The following OTOGL variants were observed in gnomAD, a reference collection of about 807,000 sequenced individuals.
OTOGL encodes otogelin-like protein.
In OTOGL, 285 loss-of-function variants were observed where a neutral mutation model predicts 318.5. The ratio of observed to expected loss-of-function variants is 0.89; its 90% CI spans 0.81 to 0.99. OTOGL has a LOEUF of 0.99. OTOGL is among the 50% of genes least tolerant of loss of function. The pLI is 0.00. For missense variants in OTOGL, 2,899 were observed against 2,845.6 expected (o/e 1.02, Z -0.43); for synonymous variants, 987 against 936.5 (o/e 1.05, Z -0.99).
chr12:80,240,927 A>G (rs1880321772), intron 11 of OTOGL, among the ~76,000 whole-genome samples: 1 of 152,146 alleles, frequency 6.6e-6, no homozygotes, highest in Non-Finnish European at 1.5e-5. Flanking sequence ...ATCACCAAGT[A>G]TATGTGATTA....
At chr12:80,215,101 T>C (rs540787283) in intron 4 of OTOGL, among the ~76,000 whole-genome samples, 69 of 152,084 alleles carry the variant, frequency 4.5e-4, no homozygotes, top group Non-Finnish European at 9.0e-4. Flanking sequence ...ATTTTTATCT[T>C]GCTTGTGTTA....
At chr12:80,225,180 A>G (rs867773723) in intron 7 of OTOGL, among the ~76,000 whole-genome samples, 1 of 152,220 alleles carries the variant, frequency 6.6e-6, no homozygotes, top group African/African-American at 2.4e-5. Flanking sequence ...GCAGTTGGTG[A>G]AATGCATCTT....
rs569733131 is a variant in OTOGL at position 80,282,212 on chromosome 12, C to G, written c.2928+3046C>G. 1.1e-4 allele frequency among the ~76,000 whole-genome samples: 16 copies of G among 151,844 alleles called. No homozygotes were observed. The East Asian group carries it at 2.3e-3, about 22-fold the overall frequency. On this transcript the variant is annotated intron_variant, in intron 26 of 58. Transcript: ENST00000547103. ...AACATCTTTTCCTCCAGCAAACTAA[C>G]CTATGATTAATGCATTTTTTTCTGG...
At chr12:80,336,842 A>T in intron 41 of OTOGL, 22 bp downstream of exon 41, 1 of 1,537,376 alleles carries the variant, frequency 6.5e-7, no homozygotes, top group Non-Finnish European at 8.8e-7. Flanking sequence ...CAAAGTGTTT[A>T]GTACATTCAT....
At chr12:80,343,502 TATTC>T (rs1888923710) in intron 44 of OTOGL, 1 of 126,708 alleles carries the variant, frequency 7.9e-6, no homozygotes, top group Non-Finnish European at 1.6e-5. Context: ...TATTATTTTT[TATTC>T]TTGTTTTTTT....
intron 1 of OTOGL, among the ~76,000 whole-genome samples, chr12:80,177,267 C>T (rs140957530): frequency 1.1e-3 from 174 of 152,194 alleles, no homozygotes; most frequent in African/African-American, 3.5e-3. Flanking sequence ...TTAAGGTCCA[C>T]GACCCGTTTC....
intron 1 of OTOGL, among the ~76,000 whole-genome samples, chr12:80,140,901 C>T (rs977036796): frequency 1.3e-5 from 2 of 152,088 alleles, no homozygotes; most frequent in African/African-American, 2.4e-5. Context: ...TTTTTTCCCA[C>T]ATTTATGAAA....
chr12:80,157,130 A>G (rs1873175889), intron 1 of OTOGL, among the ~76,000 whole-genome samples: 1 of 151,990 alleles, frequency 6.6e-6, no homozygotes, highest in Admixed American at 6.6e-5. Context: ...GATATAAGCC[A>G]TTTAATTGAG....
chr12:80,336,286 T>C (rs1049499121), intron 39 of OTOGL, 127 bp from the exon 40 acceptor site: 48 of 1,353,464 alleles, frequency 3.5e-5, no homozygotes, highest in Admixed American at 6.1e-5. Flanking sequence ...GCTCACAGTA[T>C]ATAACTTTTA....
intron 32 of OTOGL, among the ~76,000 whole-genome samples, chr12:80,315,283 C>A (rs12301639): frequency 0.092 from 13,934 of 152,154 alleles, 1,355 homozygotes; most frequent in African/African-American, 0.24. Context: ...AGGCAAAAGT[C>A]ATTCTTACAT....
chr12:80,319,270 G>A (rs1487439663), intron 33 of OTOGL, among the ~76,000 whole-genome samples: 1 of 152,056 alleles, frequency 6.6e-6, no homozygotes, highest in Non-Finnish European at 1.5e-5. Flanking sequence ...TATCCACCTG[G>A]CACCTGTTCT....
intron 52 of OTOGL, among the ~76,000 whole-genome samples, chr12:80,361,830 G>A (rs1396249101): frequency 6.6e-6 from 1 of 152,030 alleles, no homozygotes; most frequent in African/African-American, 2.4e-5. Context: ...CAGCTTATTT[G>A]TTTTTCTTGA....
At position 80,121,131 on chromosome 12, in the gene OTOGL, A is replaced by T. The variant is rs145229051; in HGVS notation, c.-20+21526A>T. Among the ~76,000 whole-genome samples, 176 of 152,264 alleles carry T rather than the reference A, an allele frequency of 1.2e-3. 2 individuals are homozygous for T. The Middle Eastern group carries it at 0.02, about 18-fold the overall frequency. ...GAGGCCTCTGTTACAACTGCCTTGGAGGTCAACCTCTCCCTCTGCCCTGTC... is the reference window on the plus strand; with the variant it reads ...GAGGCCTCTGTTACAACTGCCTTGGTGGTCAACCTCTCCCTCTGCCCTGTC... On this transcript the variant is annotated intron_variant, in intron 1 of 58. Transcript: ENST00000547103.
intron 1 of OTOGL, chr12:80,103,234 G>C (rs752404363): frequency 6.8e-7 from 1 of 1,463,114 alleles, no homozygotes; most frequent in South Asian, 1.1e-5. Context: ...TCTTTGGAAA[G>C]AAGGGAAGAC....
At chr12:80,328,059 G>A (rs1050464377) in intron 35 of OTOGL, among the ~76,000 whole-genome samples, 1 of 150,710 alleles carries the variant, frequency 6.6e-6, no homozygotes, top group African/African-American at 2.4e-5. Flanking sequence ...GCTAATGCCT[G>A]TAATCCCAGA....
At chr12:80,345,235 A>T (rs189385600) in intron 44 of OTOGL, among the ~76,000 whole-genome samples, 3,395 of 138,010 alleles carry the variant, frequency 0.025, 54 homozygotes, top group Non-Finnish European at 0.038. Context: ...TATTATATAT[A>T]TATATTTTTT....
intron 1 of OTOGL, among the ~76,000 whole-genome samples, chr12:80,187,165 G>A (rs1017247029): frequency 6.6e-6 from 1 of 152,128 alleles, no homozygotes; most frequent in Non-Finnish European, 1.5e-5. Context: ...TATATAAGAG[G>A]TAAGGGATGA....
chr12:80,136,492 C>T (rs1012178026), intron 1 of OTOGL, among the ~76,000 whole-genome samples: 6 of 152,220 alleles, frequency 3.9e-5, no homozygotes, highest in East Asian at 1.9e-4. Context: ...TTTTTGACTT[C>T]GTGAAGTACA....
At chr12:80,260,831 A>G (rs1234009701) in intron 18 of OTOGL, among the ~76,000 whole-genome samples, 1 of 152,140 alleles carries the variant, frequency 6.6e-6, no homozygotes, top group Admixed American at 6.6e-5. Flanking sequence ...ACCCTGACCT[A>G]TTTTATTATC....
Sources: gnomAD v4.1 joint callset for allele counts (sites outside exome capture counted in the v4.1 genomes callset) on GRCh38, gnomAD v4.1.1 for gene constraint, MANE v1.5 for transcripts, NCBI Gene and HGNC (gene_info 2026-07-23, HGNC 2026-07-21) for gene names.